Variants in CTPS1 observed in about 807,000 individuals in gnomAD.
CTPS1 encodes the protein CTP synthetase 1.
A neutral mutation model predicts 80.5 loss-of-function variants in CTPS1; 25 were observed. That is an observed-to-expected ratio of 0.31 (90% CI 0.23 to 0.43). The LOEUF (loss-of-function observed/expected upper bound fraction) is 0.43, where lower values mean the gene tolerates loss of function less well. Among genes scored for constraint, CTPS1 ranks in the 20% least tolerant of loss-of-function variants. The pLI, the probability that CTPS1 is intolerant of heterozygous loss-of-function variation, is 1.00. For missense variants in CTPS1, 442 were observed against 725.7 expected (o/e 0.61, Z 4.49); for synonymous variants, 267 against 252.5 (o/e 1.06, Z -0.54).
At chr1:41,008,306 CTCCCATCCTGCCACGT>C (rs146932320) in intron 14 of CTPS1, among the ~76,000 whole-genome samples, 11,875 of 152,248 alleles carry the variant, frequency 0.078, 602 homozygotes, top group South Asian at 0.12. Context: ...CTTAAAATGC[CTCCCATCCTGCCACGT>C]TCCCAGGGCC....
At chr1:41,000,427 A>G (rs866072523) in intron 9 of CTPS1, among the ~76,000 whole-genome samples, 1,263 of 111,388 alleles carry the variant, frequency 0.011, 25 homozygotes, top group African/African-American at 0.04. Context: ...TTTTTTTTGT[A>G]TTTTTAGTAG....
intron 5 of CTPS1, among the ~76,000 whole-genome samples, chr1:40,989,858 A>G (rs1454813125): frequency 6.6e-6 from 1 of 152,232 alleles, no homozygotes; most frequent in African/African-American, 2.4e-5. Flanking sequence ...GCAGAAATGA[A>G]AAAGTTAAGA....
chr1:40,999,627 A>T (rs551847531), intron 9 of CTPS1, among the ~76,000 whole-genome samples: 1 of 152,308 alleles, frequency 6.6e-6, no homozygotes, highest in South Asian at 2.1e-4. Flanking sequence ...CACACTAGAA[A>T]ACAGTCTGGT....
At chr1:40,984,755 G>T in intron 2 of CTPS1, 66 bp from the exon 3 acceptor site, 1 of 1,226,968 alleles carries the variant, frequency 8.2e-7, no homozygotes, top group Non-Finnish European at 1.1e-6. Context: ...TTTATTTCAG[G>T]ATTGCAGTTG....
chr1:40,999,377 G>A (rs1297979620), intron 9 of CTPS1, among the ~76,000 whole-genome samples: 1 of 152,178 alleles, frequency 6.6e-6, no homozygotes, highest in Non-Finnish European at 1.5e-5. Context: ...CAGGGTTTAG[G>A]TAGGAGATTG....
At chr1:41,001,874 A>G (rs1332547933) in intron 10 of CTPS1, among the ~76,000 whole-genome samples, 3 of 152,192 alleles carry the variant, frequency 2.0e-5, no homozygotes, top group African/African-American at 7.2e-5. Context: ...AAGAAAAAAA[A>G]ATTGTGAACA....
chr1:40,996,670 G>A (rs927976814), intron 8 of CTPS1, among the ~76,000 whole-genome samples: 3 of 152,178 alleles, frequency 2.0e-5, no homozygotes, highest in Admixed American at 6.5e-5. Context: ...TACTCATTCC[G>A]TTGCTCTGTG....
Position 40,987,429 on chromosome 1 carries a change from C to G in CTPS1, c.395C>G (p.Pro132Arg). 9 of 1,614,040 alleles carry G rather than the reference C, an allele frequency of 5.6e-6. No homozygotes were observed. Among genetic ancestry groups the G allele is most frequent in the Non-Finnish European group, 7.6e-6 (9 of 1,179,942 alleles). ...QEWVMRQALI[P>R]VDEDGLEPQV... ...TGGGTGATGAGACAGGCGTTAATAC[C>G]TGTAGATGAAGATGGCCTGGAACCT... is the stretch of plus-strand genomic sequence containing the variant. The change falls in exon 4 of 19, where the codon CCT (proline) becomes CGT (arginine). Residue 132 changes from proline (P) to arginine (R), a missense_variant. Physicochemically the swap from Pro to Arg is moderately radical, Grantham distance 103. Transcript: ENST00000650070.
Position 41,012,110 on chromosome 1 carries a change from C to G in CTPS1, c.*462C>G, listed in dbSNP as rs777125468. On this transcript the variant is annotated 3_prime_UTR_variant, in exon 19 of 19. Transcript: ENST00000650070. ...GGGAACCTCAGGGTATTGCTTGCCA[C>G]TAAGCCATGAAACCAGAGACAAAAT... The G allele has an allele frequency of 1.3e-5, 2 of 152,208 alleles. No individual in the cohort carries two copies. Among genetic ancestry groups the G allele is most frequent in the African/African-American group, 2.4e-5 (1 of 41,434 alleles). The allele number at this position is 152,208 out of a possible 1,614,324, so 9.4% of individuals were successfully genotyped here. A position where few individuals can be genotyped will look rare whatever the true frequency, so the allele number is the denominator to read the frequency against.
At chr1:40,995,811 T>G in intron 7 of CTPS1, 106 bp from the exon 8 acceptor site, 1 of 1,182,858 alleles carries the variant, frequency 8.5e-7, no homozygotes, top group Non-Finnish European at 1.2e-6. Context: ...TGTCCTTTTT[T>G]CTGTTTTCAA....
At position 40,983,423 on chromosome 1, in the gene CTPS1, A is replaced by G; in HGVS notation, c.133A>G (p.Ile45Val). ...TSIKIDPYIN[I>V]DAGTFSPYEH... ...AATCAAAATTGACCCCTACATTAACATTGATGCAGGAACATTCTCTCCTTA... is the reference window on the plus strand; with the variant it reads ...AATCAAAATTGACCCCTACATTAACGTTGATGCAGGAACATTCTCTCCTTA... Residue 45 changes from isoleucine to valine, a missense_variant, in exon 2 of 19, where the codon ATT becomes GTT. By Grantham distance (29) the Ile-to-Val change is conservative. Around this residue, in one of 4 missense-constraint regions of CTPS1, gnomAD observed 25 missense variants for 72.7 expected, o/e 0.34. Transcript: ENST00000650070. 1 of 1,613,738 alleles carries G rather than the reference A, an allele frequency of 6.2e-7. No homozygotes were observed. The highest frequency in any genetic ancestry group is 8.5e-7 in the Non-Finnish European group (1 of 1,179,748).
At chr1:40,987,226 A>G in intron 3 of CTPS1, 146 bp from the exon 4 acceptor site, 1 of 631,678 alleles carries the variant, frequency 1.6e-6, no homozygotes, top group Non-Finnish European at 2.9e-6. Flanking sequence ...GAGGCCAGTT[A>G]AAGGGGGCCT....
chr1:40,988,195 T>G (rs763664312), intron 4 of CTPS1, among the ~76,000 whole-genome samples: 3 of 152,198 alleles, frequency 2.0e-5, no homozygotes, highest in Non-Finnish European at 4.4e-5. Context: ...ATTACAGATG[T>G]GAGCCACCGT....
At chr1:40,983,602 A>G in intron 2 of CTPS1, 146 bp downstream of exon 2, 1 of 615,406 alleles carries the variant, frequency 1.6e-6, no homozygotes, top group Non-Finnish European at 2.7e-6. Flanking sequence ...CTCACCTAGA[A>G]AGGAAGAAGC....
intron 1 of CTPS1, among the ~76,000 whole-genome samples, chr1:40,982,266 T>A (rs1009383906): frequency 3.3e-5 from 5 of 152,178 alleles, no homozygotes; most frequent in Non-Finnish European, 7.3e-5. Flanking sequence ...CCTCTGCCCG[T>A]CATGTGCTTC....
chr1:40,992,310 G>A (rs546112268), intron 7 of CTPS1, among the ~76,000 whole-genome samples: 4 of 152,148 alleles, frequency 2.6e-5, no homozygotes, highest in Admixed American at 6.5e-5. Flanking sequence ...CCTGTGTGGT[G>A]TCGCATGTAT....
chr1:40,982,011 A>G (rs1474530395), intron 1 of CTPS1: 1 of 1,288,914 alleles, frequency 7.8e-7, no homozygotes, highest in Non-Finnish European at 1.0e-6. Context: ...ATTTTCTGCT[A>G]CTTTCTAATT....
At chr1:40,982,840 C>G (rs1642352141) in intron 1 of CTPS1, among the ~76,000 whole-genome samples, 1 of 152,194 alleles carries the variant, frequency 6.6e-6, no homozygotes, top group South Asian at 2.1e-4. Context: ...TTATTTATTT[C>G]CTGGAGAACT....
intron 8 of CTPS1, chr1:40,997,073 T>C (rs1435312334): frequency 8.7e-6 from 2 of 229,216 alleles, no homozygotes; most frequent in African/African-American, 4.6e-5. Flanking sequence ...TACTGGTCTG[T>C]ACACAGAACT....
Sources: gnomAD v4.1 joint callset for allele counts (sites outside exome capture counted in the v4.1 genomes callset) on GRCh38, gnomAD v4.1.1 for gene constraint, gnomAD v4.1.1 regional missense constraint, MANE v1.5 for transcripts, NCBI Gene and HGNC (gene_info 2026-07-23, HGNC 2026-07-21) for gene names.